MTMR2: variants seen among roughly 807,000 people sequenced by gnomAD.
MTMR2 encodes the protein phosphatidylinositol-3,5-bisphosphate 3-phosphatase MTMR2.
MTMR2 carries 55 observed loss-of-function variants against 86.9 expected under a neutral mutation model. The ratio of observed to expected loss-of-function variants is 0.63; its 90% CI spans 0.51 to 0.79. The LOEUF is 0.79. Ranked by LOEUF, MTMR2 falls within the 30% of genes least tolerant of loss-of-function variation. The pLI, the probability that MTMR2 is intolerant of heterozygous loss-of-function variation, is 0.00. For missense variants in MTMR2, 659 were observed against 772.3 expected (o/e 0.85, Z 1.74); for synonymous variants, 241 against 266.8 (o/e 0.90, Z 0.94).
rs549658289 is a variant in MTMR2, at chr11:95,901,509, C to T, written c.81-13248G>A. Among the ~76,000 whole-genome samples the T allele has an allele frequency of 1.7e-3, 256 of 152,278 alleles. 1 individual carries two copies. The highest frequency in any genetic ancestry group is 6.1e-3 in the African/African-American group (252 of 41,560). On this transcript the variant is annotated intron_variant, in intron 1 of 14. Coordinates refer to ENST00000346299, the MANE Select transcript of MTMR2 (RefSeq NM_016156.6). Reference sequence around the variant, plus strand: ...ATTCTAGTGAAACCCCATCCCTCCCCTTATTTATAGATAAAGTATCGCCCA... The same window carrying T: ...ATTCTAGTGAAACCCCATCCCTCCCTTTATTTATAGATAAAGTATCGCCCA...
intron 1 of MTMR2, among the ~76,000 whole-genome samples, chr11:95,910,819 A>G (rs1408048172): frequency 2.0e-4 from 30 of 152,048 alleles, no homozygotes; most frequent in Admixed American, 2.0e-3. Context: ...TACTTAACAC[A>G]ATGCACTATA....
chr11:95,854,417 T>C (rs945033373), intron 7 of MTMR2, among the ~76,000 whole-genome samples: 2 of 152,206 alleles, frequency 1.3e-5, no homozygotes, highest in Non-Finnish European at 2.9e-5. Flanking sequence ...TGTTAAGTAA[T>C]GCATGTAACT....
intron 3 of MTMR2, chr11:95,865,359 C>A: frequency 1.2e-5 from 6 of 488,964 alleles, no homozygotes; most frequent in Non-Finnish European, 2.2e-5. Flanking sequence ...TAAAACAAAC[C>A]AGAGAAGAGG....
Position 95,865,601 on chromosome 11 carries a change from C to G in MTMR2, c.262G>C (p.Ala88Pro). The G allele has an allele frequency of 6.2e-7, 1 of 1,612,840 alleles. No individual in the cohort carries two copies. Among genetic ancestry groups the G allele is most frequent in the Non-Finnish European group, 8.5e-7 (1 of 1,178,924 alleles). The change falls in exon 3 of 15, where the codon GCC becomes CCC. Residue 88 changes from alanine (A) to proline (P), a missense_variant and splice_region_variant. Around this residue, in one of 3 missense-constraint regions of MTMR2, gnomAD observed 387 missense variants for 526.3 expected, o/e 0.74. Transcript: ENST00000346299. ...TTAAGCAAAAAATACCATTACGGAC[C>G]CATGTCTTTAATATTTTCTCCTGGA... The part of the protein sequence containing the change: ...LLPGENIKDM[A>P]KDVTYICPFT...
Position 95,846,240 on chromosome 11 carries a change from A to G in MTMR2, c.1180-1081T>C, listed in dbSNP as rs568838738. On this transcript the variant is annotated intron_variant, in intron 10 of 14. Coordinates refer to ENST00000346299, the MANE Select transcript of MTMR2 (RefSeq NM_016156.6). ...AAGGCTTAGTTAAGATTGATCAGGA[A>G]GAGTTATCCAAAGTAGTAATTGTTC... Among the ~76,000 whole-genome samples the G allele has an allele frequency of 4.6e-5, 7 of 152,334 alleles. No individual in the cohort carries two copies. In the South Asian group the frequency reaches 1.4e-3, roughly 32 times the overall value.
At chr11:95,850,189 G>C (rs1278913710) in intron 8 of MTMR2, among the ~76,000 whole-genome samples, 3 of 148,644 alleles carry the variant, frequency 2.0e-5, no homozygotes, top group African/African-American at 2.4e-5. Flanking sequence ...AAAGCCTTTA[G>C]AATCTATGAA....
At chr11:95,915,537 G>A (rs1866665581) in intron 1 of MTMR2, among the ~76,000 whole-genome samples, 1 of 152,018 alleles carries the variant, frequency 6.6e-6, no homozygotes. Context: ...GAATATATAA[G>A]ACACAGATGT....
At chr11:95,847,507 A>C (rs903324317) in intron 10 of MTMR2, among the ~76,000 whole-genome samples, 3 of 152,160 alleles carry the variant, frequency 2.0e-5, no homozygotes, top group Non-Finnish European at 2.9e-5. Context: ...GGGGAACAAA[A>C]GAAATACAAC....
At chr11:95,843,382 G>GTA (rs983083314) in intron 11 of MTMR2, among the ~76,000 whole-genome samples, 1 of 152,108 alleles carries the variant, frequency 6.6e-6, no homozygotes, top group African/African-American at 2.4e-5. Context: ...CCACACATGG[G>GTA]TAAAAGATCT....
Position 95,835,124 on chromosome 11 carries a change from C to A in MTMR2, c.*166G>T. 1.4e-6 allele frequency: 1 copy of A among 693,112 alleles called. No individual in the cohort carries two copies. The highest frequency in any genetic ancestry group is 2.5e-6 in the Non-Finnish European group (1 of 400,184). 42.9% of individuals were successfully genotyped at this position (693,112 alleles called of 1,614,324 possible). On this transcript the variant is annotated 3_prime_UTR_variant, in exon 15 of 15. Transcript: ENST00000346299. The stretch of plus-strand genomic sequence containing the variant: ...ACATATGGAGTTACTTCACTTAAGC[C>A]ACCTGCACTGCTACAGTTCTAAACT...
intron 1 of MTMR2, among the ~76,000 whole-genome samples, chr11:95,906,508 G>A (rs916012015): frequency 5.3e-5 from 8 of 152,052 alleles, no homozygotes; most frequent in Non-Finnish European, 7.4e-5. Context: ...AACTAACGAA[G>A]ATATTCAAGA....
chr11:95,845,977 C>T (rs1863773851), intron 10 of MTMR2, among the ~76,000 whole-genome samples: 2 of 149,740 alleles, frequency 1.3e-5, no homozygotes, highest in South Asian at 2.1e-4. Context: ...GTTCTACATA[C>T]GCAGATGAGA....
intron 12 of MTMR2, among the ~76,000 whole-genome samples, chr11:95,838,675 A>C (rs669973): frequency 6.6e-6 from 1 of 151,840 alleles, no homozygotes; most frequent in Non-Finnish European, 1.5e-5. Context: ...TGGTGCAAAA[A>C]TAATTGCGGC....
intron 3 of MTMR2, among the ~76,000 whole-genome samples, chr11:95,863,969 A>G (rs1483860262): frequency 2.0e-5 from 3 of 152,326 alleles, no homozygotes; most frequent in Middle Eastern, 3.4e-3. Flanking sequence ...AGAAAAAAAG[A>G]GCAGTCTAGT....
At chr11:95,861,935 T>C in intron 5 of MTMR2, 57 bp downstream of exon 5, 1 of 1,231,570 alleles carries the variant, frequency 8.1e-7, no homozygotes, top group South Asian at 1.3e-5. Context: ...ACAGAGGTTC[T>C]ATTTAATACA....
At chr11:95,866,537 T>C (rs1190476144) in intron 2 of MTMR2, 1 of 151,896 alleles carries the variant, frequency 6.6e-6, no homozygotes, top group Non-Finnish European at 1.5e-5. Flanking sequence ...TCTAAACAAA[T>C]TCATTCTTTT....
At chr11:95,894,642 T>C (rs1259935523) in intron 1 of MTMR2, among the ~76,000 whole-genome samples, 1 of 152,164 alleles carries the variant, frequency 6.6e-6, no homozygotes, top group Non-Finnish European at 1.5e-5. Context: ...TGTCTTGGCA[T>C]TGCAAATGCA....
At chr11:95,844,316 A>C (rs1226644835) in intron 11 of MTMR2, among the ~76,000 whole-genome samples, 1 of 152,206 alleles carries the variant, frequency 6.6e-6, no homozygotes, top group Admixed American at 6.6e-5. Flanking sequence ...AGTTCAAAAG[A>C]GCAGACTAAC....
chr11:95,889,882 T>A (rs1379492708), intron 1 of MTMR2, among the ~76,000 whole-genome samples: 1 of 152,208 alleles, frequency 6.6e-6, no homozygotes, highest in Non-Finnish European at 1.5e-5. Context: ...TTTTCAAAAA[T>A]GTATTTTTCT....
Sources: gnomAD v4.1 joint callset for allele counts (sites outside exome capture counted in the v4.1 genomes callset) on GRCh38, gnomAD v4.1.1 for gene constraint, gnomAD v4.1.1 regional missense constraint, MANE v1.5 for transcripts, NCBI Gene and HGNC (gene_info 2026-07-23, HGNC 2026-07-21) for gene names.